GRIN2A: variants seen among roughly 807,000 people sequenced by gnomAD.
GRIN2A encodes the protein glutamate receptor ionotropic, NMDA 2A.
Under a neutral mutation model 113.4 loss-of-function variants are expected in GRIN2A, and 22 were observed. The observed-to-expected ratio is 0.19, with a 90% confidence interval of 0.14 to 0.28. The LOEUF (loss-of-function observed/expected upper bound fraction) is 0.28. Among genes scored for constraint, GRIN2A ranks in the 10% least tolerant of loss-of-function variants. The probability of loss-of-function intolerance (pLI) is 1.00; values close to 1 mark genes in which losing one functional copy is unlikely to be tolerated. For synonymous variants in GRIN2A, 827 were observed against 738.4 expected (o/e 1.12, Z -1.94); for missense variants, 1,502 against 1,887.0 (o/e 0.80, Z 3.78).
intron 2 of GRIN2A, among the ~76,000 whole-genome samples, chr16:10,082,709 C>G (rs1435548790): frequency 1.3e-5 from 2 of 152,170 alleles, no homozygotes; most frequent in Non-Finnish European, 2.9e-5. Flanking sequence ...CTCCTCATTT[C>G]CCATGAGATA....
At chr16:10,009,622 G>T (rs1268242541) in intron 2 of GRIN2A, among the ~76,000 whole-genome samples, 1 of 152,136 alleles carries the variant, frequency 6.6e-6, no homozygotes, top group Admixed American at 6.5e-5. Flanking sequence ...GCTCACCTGG[G>T]CACCCACCCC....
At chr16:10,069,877 G>A (rs546802577) in intron 2 of GRIN2A, among the ~76,000 whole-genome samples, 5 of 152,280 alleles carry the variant, frequency 3.3e-5, no homozygotes, top group South Asian at 2.1e-4. Flanking sequence ...GCAGTTAGGT[G>A]GATGGTGAGT....
In GRIN2A at chr16:9,798,116, T is replaced by G. The variant is rs534076949; in HGVS notation, c.2356+161A>C. Among the ~76,000 whole-genome samples, 144 of 152,330 alleles carry G rather than the reference T, an allele frequency of 9.5e-4. 1 individual carries two copies. The highest frequency in any genetic ancestry group is 3.2e-3 in the African/African-American group (134 of 41,572). On this transcript the variant is annotated intron_variant, in intron 11 of 12. Transcript: ENST00000330684. ...AGTTATCTAGAATTGCTTTCCATTA[T>G]AAGCAACCTAAAGAACCATGGTTTC... is the stretch of plus-strand genomic sequence containing the variant.
chr16:9,766,447 CT>C (rs1900928568), intron 12 of GRIN2A, among the ~76,000 whole-genome samples: 1 of 152,212 alleles, frequency 6.6e-6, no homozygotes, highest in Non-Finnish European at 1.5e-5. Context: ...TTGAGCTGCT[CT>C]TTCTCTGATC....
Position 9,776,028 on chromosome 16 carries a change from G to A in GRIN2A, c.2357-6939C>T, listed in dbSNP as rs576851041. Among the ~76,000 whole-genome samples, 61 of 152,252 alleles carry A rather than the reference G, an allele frequency of 4.0e-4. 1 individual carries two copies. Among genetic ancestry groups the A allele is most frequent in the African/African-American group, 1.3e-3 (53 of 41,542 alleles). Reference sequence around the variant, plus strand: ...GACGCAGCTTAAGCTTTCCTGTTCCGAGGTTATGCAGTGACTGGGAGAAAC... The same window carrying A: ...GACGCAGCTTAAGCTTTCCTGTTCCAAGGTTATGCAGTGACTGGGAGAAAC... On this transcript the variant is annotated intron_variant, in intron 11 of 12. Transcript: ENST00000330684.
chr16:10,157,203 G>C (rs773949842), intron 2 of GRIN2A, among the ~76,000 whole-genome samples: 16 of 152,210 alleles, frequency 1.1e-4, no homozygotes, highest in Non-Finnish European at 1.8e-4. Context: ...GACGAACCAA[G>C]AGTTGGGCAG....
intron 4 of GRIN2A, among the ~76,000 whole-genome samples, chr16:9,852,701 C>A (rs114000560): frequency 0.01 from 1,569 of 152,254 alleles, 18 homozygotes; most frequent in African/African-American, 0.035. Context: ...CCCTTCGGCA[C>A]CCCACTGCAA....
intron 9 of GRIN2A, 147 bp from the exon 10 acceptor site, chr16:9,822,571 G>A (rs897781416): frequency 8.6e-6 from 6 of 695,140 alleles, no homozygotes; most frequent in South Asian, 4.8e-5. Context: ...ACAATAAAAT[G>A]TTGCTTTTTG....
At chr16:10,073,781 T>C (rs56666352) in intron 2 of GRIN2A, among the ~76,000 whole-genome samples, 21,094 of 150,736 alleles carry the variant, frequency 0.14, 1,983 homozygotes, top group African/African-American at 0.27. Flanking sequence ...CGGGCAACAG[T>C]AGCACGTGCC....
intron 2 of GRIN2A, among the ~76,000 whole-genome samples, chr16:10,087,982 G>C (rs117034945): frequency 6.6e-6 from 1 of 150,508 alleles, no homozygotes; most frequent in Non-Finnish European, 1.5e-5. Context: ...GAGCCACCAC[G>C]CCTGGCCTTA....
chr16:10,050,463 A>T (rs1331509929), intron 2 of GRIN2A, among the ~76,000 whole-genome samples: 1 of 151,672 alleles, frequency 6.6e-6, no homozygotes, highest in Non-Finnish European at 1.5e-5. Flanking sequence ...TTAGAATCTC[A>T]TAGGAGCACC....
chr16:9,842,733 T>C (rs1383162850), intron 5 of GRIN2A, among the ~76,000 whole-genome samples: 1 of 152,076 alleles, frequency 6.6e-6, no homozygotes, highest in Non-Finnish European at 1.5e-5. Flanking sequence ...GGTTGGGAGT[T>C]TGAGACCAGC....
intron 2 of GRIN2A, among the ~76,000 whole-genome samples, chr16:10,157,549 C>G (rs949986325): frequency 6.6e-6 from 1 of 152,162 alleles, no homozygotes; most frequent in Non-Finnish European, 1.5e-5. Flanking sequence ...AGAAAACTTA[C>G]AATCATGGCA....
Position 9,963,108 on chromosome 16 carries a change from T to C in GRIN2A, c.415-24557A>G, listed in dbSNP as rs566909704. 4.0e-3 allele frequency among the ~76,000 whole-genome samples: 464 copies of C among 116,434 alleles called. 1 individual carries two copies. The highest frequency in any genetic ancestry group is 0.015 in the African/African-American group (446 of 29,920). 76.4% of individuals were successfully genotyped at this position (116,434 alleles called of 152,430 possible). A position where few individuals can be genotyped will look rare whatever the true frequency, so the allele number is the denominator to read the frequency against. ...GACACAGGAAAGGGAACATCACACA[T>C]CGGGGACTGTTGTGGGGTGGGGGGC... On this transcript the variant is annotated intron_variant, in intron 2 of 12. Transcript: ENST00000330684.
chr16:9,825,783 C>T (rs1204326105), intron 9 of GRIN2A, among the ~76,000 whole-genome samples: 6 of 152,098 alleles, frequency 3.9e-5, no homozygotes, highest in Non-Finnish European at 7.4e-5. Context: ...GACCACTCAG[C>T]AGCAGCAGCA....
intron 2 of GRIN2A, among the ~76,000 whole-genome samples, chr16:9,993,424 C>G (rs957689527): frequency 2.6e-4 from 40 of 151,754 alleles, no homozygotes; most frequent in African/African-American, 9.7e-4. Flanking sequence ...AGTATGGTGG[C>G]CTGCACCTGT....
rs1901090325 is a variant in GRIN2A, at chr16:9,768,944, G to C, written c.2502C>G (p.Thr834=). ...AGTAGAAGAGGTGCTCCCAGATGAA[G>C]GTGATGAGGCTAAGGGCCATGGCGG... is the stretch of plus-strand genomic sequence containing the variant. ...LAAAMALSLI[T]FIWEHLFYWK... The change falls in exon 12 of 13, where the codon ACC becomes ACG. Residue 834 remains threonine (T), a synonymous_variant. Transcript: ENST00000330684. The C allele has an allele frequency of 6.2e-7, 1 of 1,614,200 alleles. No individual in the cohort carries two copies. The highest frequency in any genetic ancestry group is 1.3e-5 in the African/African-American group (1 of 75,066).
intron 2 of GRIN2A, among the ~76,000 whole-genome samples, chr16:10,016,988 A>T (rs986100049): frequency 6.6e-6 from 1 of 152,242 alleles, no homozygotes; most frequent in African/African-American, 2.4e-5. Flanking sequence ...GCCATGATGG[A>T]TGAACACAGA....
At chr16:9,865,958 T>C (rs2043153824) in intron 4 of GRIN2A, among the ~76,000 whole-genome samples, 1 of 152,218 alleles carries the variant, frequency 6.6e-6, no homozygotes, top group Admixed American at 6.5e-5. Context: ...CTTATTTCCT[T>C]ACATAGCCTC....
Sources: gnomAD v4.1 joint callset for allele counts (sites outside exome capture counted in the v4.1 genomes callset) on GRCh38, gnomAD v4.1.1 for gene constraint, MANE v1.5 for transcripts, NCBI Gene and HGNC (gene_info 2026-07-23, HGNC 2026-07-21) for gene names.